The following PFKP variants were observed in gnomAD, a reference collection of about 807,000 sequenced individuals.
PFKP encodes the protein phosphofructokinase, platelet.
In PFKP, 101 loss-of-function variants were observed where a neutral mutation model predicts 94.3. That is an observed-to-expected ratio of 1.07 (90% CI 0.91 to 1.26). The LOEUF (loss-of-function observed/expected upper bound fraction) is 1.26. PFKP is among the 50% of genes most tolerant of loss of function. The probability of loss-of-function intolerance (pLI) is 0.00; values close to 1 mark genes in which losing one functional copy is unlikely to be tolerated. For missense variants in PFKP, 1,145 were observed against 1,103.3 expected (o/e 1.04, Z -0.53); for synonymous variants, 573 against 432.6 (o/e 1.32, Z -4.03).
intron 13 of PFKP, among the ~76,000 whole-genome samples, chr10:3,116,395 C>T (rs1022901156): frequency 6.6e-6 from 1 of 152,148 alleles, no homozygotes; most frequent in Admixed American, 6.5e-5. Context: ...ATCTGTTTTC[C>T]TTTTTTCTCC....
chr10:3,121,879 T>C (rs914413663), intron 16 of PFKP, among the ~76,000 whole-genome samples: 2 of 138,534 alleles, frequency 1.4e-5, no homozygotes, highest in Admixed American at 8.0e-5. Context: ...TGGAATGCAG[T>C]GCTGCAATCG....
intron 2 of PFKP, among the ~76,000 whole-genome samples, chr10:3,096,187 G>A (rs1402155245): frequency 2.0e-5 from 3 of 152,140 alleles, no homozygotes; most frequent in Non-Finnish European, 4.4e-5. Flanking sequence ...CTAGTAAAAT[G>A]CTGGGTGGCG....
intron 16 of PFKP, among the ~76,000 whole-genome samples, chr10:3,126,493 C>T (rs1229706848): frequency 6.6e-6 from 1 of 152,214 alleles, no homozygotes; most frequent in Non-Finnish European, 1.5e-5. Flanking sequence ...CCACACGCGA[C>T]GCAGCCCTAC....
intron 16 of PFKP, among the ~76,000 whole-genome samples, chr10:3,126,840 A>G (rs1285864918): frequency 6.6e-6 from 1 of 152,262 alleles, no homozygotes; most frequent in Non-Finnish European, 1.5e-5. Flanking sequence ...TCTCAGCAGC[A>G]GGATCGCCTC....
At chr10:3,113,092 C>T (rs771053228) in intron 11 of PFKP, 27 bp from the exon 12 acceptor site, 43 of 1,604,846 alleles carry the variant, frequency 2.7e-5, no homozygotes, top group East Asian at 1.6e-4. Flanking sequence ...TTCTCGACTC[C>T]GGTCCAACGA....
chr10:3,100,770 C>G, intron 3 of PFKP: 1 of 540,180 alleles, frequency 1.9e-6, no homozygotes, highest in Non-Finnish European at 3.3e-6. Context: ...CCAAGTGTGA[C>G]GAATCATGAT....
chr10:3,124,154 A>G (rs970662708), intron 16 of PFKP, among the ~76,000 whole-genome samples: 1 of 151,912 alleles, frequency 6.6e-6, no homozygotes, highest in African/African-American at 2.4e-5. Flanking sequence ...TCACTGTCCG[A>G]CTCTCCCAGG....
intron 16 of PFKP, among the ~76,000 whole-genome samples, chr10:3,126,895 G>A (rs376597318): frequency 6.6e-6 from 1 of 152,230 alleles, no homozygotes; most frequent in Non-Finnish European, 1.5e-5. Context: ...ACATCCCATC[G>A]TGCAGGGGGA....
chr10:3,069,073 C>G (rs1364692424), intron 1 of PFKP, among the ~76,000 whole-genome samples: 1 of 151,302 alleles, frequency 6.6e-6, no homozygotes, highest in African/African-American at 2.4e-5. Flanking sequence ...CCCGTCGTCT[C>G]CACGAGCCCC....
chr10:3,077,249 C>CTTTTT lies in PFKP; in HGVS notation c.113-5132_113-5128dup, dbSNP rs35306351. Among the ~76,000 whole-genome samples the CTTTTT allele has an allele frequency of 1.0e-3, 112 of 108,164 alleles. 1 individual carries two copies. The highest frequency in any genetic ancestry group is 1.5e-3 in the Non-Finnish European group (81 of 54,986). 71.0% of individuals were successfully genotyped at this position (108,164 alleles called of 152,430 possible). A position where few individuals can be genotyped will look rare whatever the true frequency, so the allele number is the denominator to read the frequency against. ...TTCATTAGAGTTCATCTATTCTTTA[C>CTTTTT]TTTTTTTTTTTCTTTTTTTTTTTTT... is the stretch of plus-strand genomic sequence containing the variant. On this transcript the variant is annotated intron_variant, in intron 1 of 21. Coordinates refer to ENST00000381125, the MANE Select transcript of PFKP (RefSeq NM_002627.5).
chr10:3,136,483 G>A lies in PFKP; in HGVS notation c.2259G>A (p.Lys753=), dbSNP rs930502828. The stretch of plus-strand genomic sequence containing the variant: ...TTCCCAAAGAACAGTGGTGGCTCAA[G>A]CTACGGCCCCTCATGAAAATCCTGG... ...HRIPKEQWWL[K]LRPLMKILAK... Residue 753 remains lysine, a synonymous_variant, in exon 22 of 22, where the codon AAG becomes AAA. Transcript: ENST00000381125. The A allele has an allele frequency of 6.2e-7, 1 of 1,613,702 alleles. No individual in the cohort carries two copies. The highest frequency in any genetic ancestry group is 8.5e-7 in the Non-Finnish European group (1 of 1,179,760).
In PFKP at chr10:3,108,712, G is replaced by A. The variant is rs747410279; in HGVS notation, c.882G>A (p.Thr294=). The change falls in exon 9 of 22, where the codon ACG becomes ACA. Residue 294 remains threonine (T), a synonymous_variant. Transcript: ENST00000381125. The stretch of plus-strand genomic sequence containing the variant: ...ATGTTTCCTTGCAGCTTGTCGTCAC[G>A]CAGCTGGGCTATGACACACGTGTGA... ...TSEKIKELVV[T]QLGYDTRVTI... is the part of the protein sequence containing the mutation. The A allele has an allele frequency of 1.7e-5, 27 of 1,613,290 alleles. No individual in the cohort carries two copies. Among genetic ancestry groups the A allele is most frequent in the Non-Finnish European group, 2.0e-5 (24 of 1,179,416 alleles).
intron 10 of PFKP, among the ~76,000 whole-genome samples, chr10:3,111,479 G>GACAT (rs1836231294): frequency 6.6e-6 from 1 of 152,054 alleles, no homozygotes. Flanking sequence ...AGACGACCGT[G>GACAT]GTAGGTGTCA....
In PFKP at chr10:3,119,912, G is replaced by C. The variant is rs775708418; in HGVS notation, c.1551G>C (p.Glu517Asp). 6.2e-7 allele frequency: 1 copy of C among 1,614,148 alleles called. No homozygotes were observed. The highest frequency in any genetic ancestry group is 8.5e-7 in the Non-Finnish European group (1 of 1,180,008). The change falls in exon 16 of 22, where the codon GAG (glutamate) becomes GAC (aspartate). Residue 517 changes from glutamate (E) to aspartate (D), a missense_variant. Glu to Asp is a conservative substitution (Grantham distance 45, BLOSUM62 2). Transcript: ENST00000381125. ...GACAGGCCTACCTGGGACTCCTGGAGCTGTCAGCCGCCCGGGAGAAGCACG... is the reference window on the plus strand; with the variant it reads ...GACAGGCCTACCTGGGACTCCTGGACCTGTCAGCCGCCCGGGAGAAGCACG... ...GGFEAYLGLL[E>D]LSAAREKHEE...
At chr10:3,086,868 A>G (rs1035518478) in intron 2 of PFKP, among the ~76,000 whole-genome samples, 1 of 152,082 alleles carries the variant, frequency 6.6e-6, no homozygotes, top group Non-Finnish European at 1.5e-5. Context: ...TGGGATTCAG[A>G]TGTCCTCAGA....
chr10:3,123,049 A>T (rs1837587128), intron 16 of PFKP, among the ~76,000 whole-genome samples: 1 of 152,032 alleles, frequency 6.6e-6, no homozygotes, highest in South Asian at 2.1e-4. Context: ...CTCTCTCATG[A>T]TTTCCTTCTT....
intron 2 of PFKP, 107 bp from the exon 3 acceptor site, chr10:3,099,168 A>C: frequency 1.2e-6 from 1 of 856,254 alleles, no homozygotes; most frequent in African/African-American, 1.7e-5. Flanking sequence ...GTGGATGCTG[A>C]GGAACTGACA....
At chr10:3,127,804 C>G (rs370482421) in intron 16 of PFKP, among the ~76,000 whole-genome samples, 1 of 152,152 alleles carries the variant, frequency 6.6e-6, no homozygotes. Flanking sequence ...AACTAGAGTC[C>G]GTGTTCAGTT....
intron 16 of PFKP, among the ~76,000 whole-genome samples, chr10:3,126,374 G>GCCCCGCACTTGAC (rs1419075877): frequency 5.9e-5 from 9 of 152,190 alleles, no homozygotes; most frequent in African/African-American, 1.7e-4. Context: ...ACTTCCTTGG[G>GCCCCGCACTTGAC]CCCCGCACTT....
Sources: gnomAD v4.1 joint callset for allele counts (sites outside exome capture counted in the v4.1 genomes callset) on GRCh38, gnomAD v4.1.1 for gene constraint, MANE v1.5 for transcripts, NCBI Gene and HGNC (gene_info 2026-07-23, HGNC 2026-07-21) for gene names.